Variants in KCNQ5 observed in about 807,000 individuals in gnomAD.
The protein encoded by KCNQ5 is potassium voltage-gated channel subfamily KQT member 5.
Under a neutral mutation model 98.2 loss-of-function variants are expected in KCNQ5, and 30 were observed. The ratio of observed to expected loss-of-function variants is 0.31; its 90% CI spans 0.23 to 0.41. The LOEUF (loss-of-function observed/expected upper bound fraction) is 0.41, where lower values mean the gene tolerates loss of function less well. Among genes scored for constraint, KCNQ5 ranks in the 10% least tolerant of loss-of-function variants. The pLI, the probability that KCNQ5 is intolerant of heterozygous loss-of-function variation, is 1.00. For synonymous variants in KCNQ5, 458 were observed against 449.4 expected (o/e 1.02, Z -0.24); for missense variants, 835 against 1,182.5 (o/e 0.71, Z 4.31).
chr6:73,153,644 T>G (rs1160867101), intron 10 of KCNQ5, among the ~76,000 whole-genome samples: 1 of 152,158 alleles, frequency 6.6e-6, no homozygotes, highest in Non-Finnish European at 1.5e-5. Flanking sequence ...TGAGGACATT[T>G]TTTCAGAATG....
chr6:72,870,471 G>A (rs1031669505), intron 1 of KCNQ5, among the ~76,000 whole-genome samples: 6 of 151,776 alleles, frequency 4.0e-5, no homozygotes, highest in South Asian at 2.1e-4. Context: ...GGCTGCTCTC[G>A]GACTCCTGGG....
chr6:73,046,347 T>G (rs894803795), intron 3 of KCNQ5, among the ~76,000 whole-genome samples: 1 of 152,184 alleles, frequency 6.6e-6, no homozygotes, highest in Non-Finnish European at 1.5e-5. Context: ...TACTTCTAAG[T>G]GTTCAAACTC....
intron 1 of KCNQ5, among the ~76,000 whole-genome samples, chr6:72,691,374 A>G (rs1023954530): frequency 1.3e-5 from 2 of 152,360 alleles, no homozygotes; most frequent in Non-Finnish European, 2.9e-5. Flanking sequence ...TCTTACATTG[A>G]GCAATTTGTC....
intron 1 of KCNQ5, among the ~76,000 whole-genome samples, chr6:72,882,639 T>G (rs1195168372): frequency 5.9e-5 from 9 of 152,228 alleles, no homozygotes; most frequent in Non-Finnish European, 1.3e-4. Flanking sequence ...TTTGCTTTTC[T>G]TTAACTTTTG....
chr6:72,817,121 A>G (rs1361632517), intron 1 of KCNQ5, among the ~76,000 whole-genome samples: 2 of 152,216 alleles, frequency 1.3e-5, no homozygotes, highest in East Asian at 1.9e-4. Context: ...TACAACCAAG[A>G]AGGGATATAT....
chr6:72,977,768 T>C lies in KCNQ5; in HGVS notation c.399-26140T>C, dbSNP rs558346984. Among the ~76,000 whole-genome samples, 6 of 152,326 alleles carry C rather than the reference T, an allele frequency of 3.9e-5. No homozygotes were observed. The East Asian group carries it at 7.7e-4, about 20-fold the overall frequency. ...GCTATTTTTTTCTCCTTAGCAGTTA[T>C]CACTTTCAAACACAGTATGCATTTT... On this transcript the variant is annotated intron_variant, in intron 1 of 13. Coordinates refer to ENST00000370398, the MANE Select transcript of KCNQ5 (RefSeq NM_019842.4).
At chr6:73,026,275 G>T (rs1770886327) in intron 2 of KCNQ5, among the ~76,000 whole-genome samples, 2 of 152,208 alleles carry the variant, frequency 1.3e-5, no homozygotes, top group South Asian at 4.2e-4. Flanking sequence ...AACTATGTAG[G>T]GACACAGTCT....
chr6:72,727,914 C>G (rs926776001), intron 1 of KCNQ5, among the ~76,000 whole-genome samples: 1 of 152,114 alleles, frequency 6.6e-6, no homozygotes, highest in African/African-American at 2.4e-5. Context: ...TCCACTGCAC[C>G]TTTATTTCAT....
intron 1 of KCNQ5, chr6:72,986,855 C>G (rs1219098186): frequency 2.0e-6 from 2 of 994,088 alleles, no homozygotes; most frequent in East Asian, 2.4e-5. Flanking sequence ...CCTCTCAGTC[C>G]AGAACCCTTG....
chr6:72,720,295 T>C (rs78908562), intron 1 of KCNQ5, among the ~76,000 whole-genome samples: 1,757 of 152,320 alleles, frequency 0.012, 28 homozygotes, highest in African/African-American at 0.039. Context: ...ACAATGCTTT[T>C]TTACATTATA....
chr6:72,805,276 T>C (rs1054864118), intron 1 of KCNQ5, among the ~76,000 whole-genome samples: 1 of 152,156 alleles, frequency 6.6e-6, no homozygotes, highest in Non-Finnish European at 1.5e-5. Flanking sequence ...CAATGTTTTC[T>C]TGTAGTAGTT....
intron 11 of KCNQ5, among the ~76,000 whole-genome samples, chr6:73,178,036 A>G (rs2882405): frequency 0.36 from 54,788 of 151,846 alleles, 10,976 homozygotes; most frequent in East Asian, 0.56. Context: ...CTCCTATTCC[A>G]TGTTAAAAAT....
At chr6:73,032,706 C>T (rs1771204688) in intron 2 of KCNQ5, among the ~76,000 whole-genome samples, 1 of 152,090 alleles carries the variant, frequency 6.6e-6, no homozygotes, top group Non-Finnish European at 1.5e-5. Flanking sequence ...GTACAGCAAG[C>T]CATTTTCAAT....
At chr6:72,747,764 T>A (rs1030925609) in intron 1 of KCNQ5, among the ~76,000 whole-genome samples, 2 of 152,164 alleles carry the variant, frequency 1.3e-5, no homozygotes, top group Non-Finnish European at 2.9e-5. Flanking sequence ...TATACTGTAT[T>A]TTTATAATGC....
chr6:72,678,226 A>C (rs540519390), intron 1 of KCNQ5: 1 of 152,302 alleles, frequency 6.6e-6, no homozygotes, highest in South Asian at 2.1e-4. Flanking sequence ...ACATTAAGCA[A>C]TGCTAAGAAA....
intron 1 of KCNQ5, among the ~76,000 whole-genome samples, chr6:72,731,317 C>T (rs1273761050): frequency 6.6e-6 from 1 of 152,182 alleles, no homozygotes; most frequent in Non-Finnish European, 1.5e-5. Flanking sequence ...ACTCAGAAGG[C>T]AGAGCAGTTG....
intron 1 of KCNQ5, among the ~76,000 whole-genome samples, chr6:73,002,611 G>T (rs922690197): frequency 1.1e-4 from 16 of 152,070 alleles, no homozygotes; most frequent in African/African-American, 3.9e-4. Flanking sequence ...TAAATATAAA[G>T]AAACAAGGAA....
chr6:72,862,699 C>T (rs1777819925), intron 1 of KCNQ5, among the ~76,000 whole-genome samples: 1 of 152,066 alleles, frequency 6.6e-6, no homozygotes. Flanking sequence ...GCAATATTGG[C>T]TCATTGCAGC....
intron 2 of KCNQ5, among the ~76,000 whole-genome samples, chr6:73,025,572 G>A (rs934742848): frequency 4.5e-5 from 6 of 133,874 alleles, no homozygotes; most frequent in Non-Finnish European, 6.1e-5. Flanking sequence ...GCAGTGAGCC[G>A]AGATTGCACC....
Sources: gnomAD v4.1 joint callset for allele counts (sites outside exome capture counted in the v4.1 genomes callset) on GRCh38, gnomAD v4.1.1 for gene constraint, MANE v1.5 for transcripts, NCBI Gene and HGNC (gene_info 2026-07-23, HGNC 2026-07-21) for gene names.